ASTN2: variants seen among roughly 807,000 people sequenced by gnomAD.
ASTN2 encodes the protein astrotactin-2.
Under a neutral mutation model 139.8 loss-of-function variants are expected in ASTN2, and 54 were observed. The ratio of observed to expected loss-of-function variants is 0.39; its 90% confidence interval spans 0.31 to 0.48. The LOEUF (loss-of-function observed/expected upper bound fraction) is 0.48. Among genes scored for constraint, ASTN2 ranks in the 20% least tolerant of loss-of-function variants. The pLI, the probability that ASTN2 is intolerant of heterozygous loss-of-function variation, is 0.95. For missense variants in ASTN2, 1,565 were observed against 1,725.1 expected (o/e 0.91, Z 1.64); for synonymous variants, 756 against 719.5 (o/e 1.05, Z -0.81).
chr9:116,700,784 A>C (rs930283364), intron 16 of ASTN2: 1 of 166,934 alleles, frequency 6.0e-6, no homozygotes, highest in Non-Finnish European at 1.5e-5. Context: ...TTAAATACGG[A>C]ATTTTGGAGA....
intron 1 of ASTN2, among the ~76,000 whole-genome samples, chr9:117,391,714 C>G (rs1830546365): frequency 6.6e-6 from 1 of 152,152 alleles, no homozygotes; most frequent in Non-Finnish European, 1.5e-5. Flanking sequence ...CCCAAAGTCT[C>G]AACTCATTTC....
intron 3 of ASTN2, among the ~76,000 whole-genome samples, chr9:117,189,865 A>C (rs1262942743): frequency 6.6e-6 from 1 of 152,172 alleles, no homozygotes; most frequent in Non-Finnish European, 1.5e-5. Context: ...TAATCTGTGC[A>C]TCCCTACCCT....
At chr9:117,139,576 G>A (rs1341466294) in intron 4 of ASTN2, among the ~76,000 whole-genome samples, 1 of 152,108 alleles carries the variant, frequency 6.6e-6, no homozygotes, top group Non-Finnish European at 1.5e-5. Flanking sequence ...GTTTTTTACA[G>A]GATTCAAGAT....
chr9:116,774,502 G>A (rs956744074), intron 13 of ASTN2, among the ~76,000 whole-genome samples: 4 of 152,080 alleles, frequency 2.6e-5, no homozygotes, highest in African/African-American at 9.7e-5. Flanking sequence ...TACAATGCTA[G>A]GAGCTTTTTT....
chr9:117,413,869 G>C (rs933173057), intron 1 of ASTN2, among the ~76,000 whole-genome samples: 5 of 152,186 alleles, frequency 3.3e-5, no homozygotes, highest in Admixed American at 2.6e-4. Context: ...CGGAATCCCA[G>C]TTCTCAGCAA....
intron 13 of ASTN2, among the ~76,000 whole-genome samples, chr9:116,767,604 T>C (rs1199925617): frequency 6.6e-6 from 1 of 152,214 alleles, no homozygotes; most frequent in Non-Finnish European, 1.5e-5. Flanking sequence ...AGACGGAGAC[T>C]ACAGGCCTTC....
At chr9:116,778,221 T>C (rs1175358587) in intron 13 of ASTN2, among the ~76,000 whole-genome samples, 2 of 152,070 alleles carry the variant, frequency 1.3e-5, no homozygotes, top group Non-Finnish European at 2.9e-5. Context: ...GCCATGATGT[T>C]GGGAAATGAG....
chr9:117,312,510 G>C (rs1463985819), intron 1 of ASTN2, among the ~76,000 whole-genome samples: 1 of 152,156 alleles, frequency 6.6e-6, no homozygotes, highest in African/African-American at 2.4e-5. Context: ...AGTGATATTA[G>C]TTTTCCAATC....
intron 19 of ASTN2, among the ~76,000 whole-genome samples, chr9:116,521,193 T>C (rs1355310054): frequency 2.0e-5 from 3 of 151,258 alleles, no homozygotes; most frequent in South Asian, 2.1e-4. Flanking sequence ...GCCTGCATAG[T>C]AAAGCAAGAC....
At chr9:116,895,352 A>G (rs1833856544) in intron 10 of ASTN2, among the ~76,000 whole-genome samples, 1 of 152,226 alleles carries the variant, frequency 6.6e-6, no homozygotes, top group Non-Finnish European at 1.5e-5. Flanking sequence ...AATCTGAAAA[A>G]GTCAGAAATC....
chr9:116,613,869 T>C (rs7846888), intron 19 of ASTN2, among the ~76,000 whole-genome samples: 42,323 of 152,088 alleles, frequency 0.28, 6,842 homozygotes, highest in Admixed American at 0.42. Context: ...TTGGAAGTTC[T>C]GGCCAGGGCA....
chr9:117,390,620 T>A (rs112902413), intron 1 of ASTN2, among the ~76,000 whole-genome samples: 1 of 152,184 alleles, frequency 6.6e-6, no homozygotes, highest in Non-Finnish European at 1.5e-5. Context: ...GATTGGTGTC[T>A]TTCACTTAGC....
At chr9:116,632,152 G>GAGAC (rs1564168599) in intron 17 of ASTN2, among the ~76,000 whole-genome samples, 8 of 68,074 alleles carry the variant, frequency 1.2e-4, no homozygotes, top group African/African-American at 3.5e-4. Flanking sequence ...GAGAGAGAGA[G>GAGAC]AGAGACAGAG....
intron 16 of ASTN2, among the ~76,000 whole-genome samples, chr9:116,684,418 G>GT (rs1023374715): frequency 2.0e-5 from 3 of 152,110 alleles, no homozygotes; most frequent in African/African-American, 2.4e-5. Flanking sequence ...CTGTCCTTGA[G>GT]TTTTTTCTAC....
At chr9:116,802,083 C>CTTTTTTTTTTTT (rs796156202) in intron 13 of ASTN2, among the ~76,000 whole-genome samples, 10 of 121,744 alleles carry the variant, frequency 8.2e-5, no homozygotes, top group Non-Finnish European at 1.0e-4. Flanking sequence ...TTCTTTCTTT[C>CTTTTTTTTTTTT]TTTTTTTTTT....
chr9:116,858,016 C>T (rs1373341605), intron 11 of ASTN2, among the ~76,000 whole-genome samples: 1 of 152,058 alleles, frequency 6.6e-6, no homozygotes, highest in Non-Finnish European at 1.5e-5. Context: ...AATGGGGAGC[C>T]CAAGAAAAAA....
chr9:116,588,924 CA>C (rs1687255843), intron 19 of ASTN2, among the ~76,000 whole-genome samples: 1 of 152,034 alleles, frequency 6.6e-6, no homozygotes, highest in Non-Finnish European at 1.5e-5. Context: ...TGAACTGATC[CA>C]AAAAATTTCT....
chr9:117,171,956 T>A (rs968321594), intron 3 of ASTN2, among the ~76,000 whole-genome samples: 19 of 152,064 alleles, frequency 1.2e-4, no homozygotes, highest in African/African-American at 4.6e-4. Context: ...TTAAAAAAAA[T>A]TATCAATACT....
intron 13 of ASTN2, among the ~76,000 whole-genome samples, chr9:116,736,172 A>C (rs570518694): frequency 3.3e-5 from 5 of 152,348 alleles, no homozygotes; most frequent in African/African-American, 9.6e-5. Flanking sequence ...TAAGTTTTAA[A>C]GTTGATTCAA....
Sources: gnomAD v4.1 joint callset for allele counts (sites outside exome capture counted in the v4.1 genomes callset) on GRCh38, gnomAD v4.1.1 for gene constraint, MANE v1.5 for transcripts, NCBI Gene and HGNC (gene_info 2026-07-23, HGNC 2026-07-21) for gene names.